The following ZYG11B variants were observed in gnomAD, a reference collection of about 807,000 sequenced individuals.
ZYG11B encodes the protein protein zyg-11 homolog B.
A neutral mutation model predicts 82.4 loss-of-function variants in ZYG11B; 36 were observed. The ratio of observed to expected loss-of-function variants is 0.44; its 90% CI spans 0.33 to 0.58. The LOEUF (loss-of-function observed/expected upper bound fraction) is 0.58. Ranked by LOEUF, ZYG11B falls within the 20% of genes least tolerant of loss-of-function variation. ZYG11B has a pLI of 0.02. For missense variants in ZYG11B, 552 were observed against 895.6 expected (o/e 0.62, Z 4.90); for synonymous variants, 303 against 312.8 (o/e 0.97, Z 0.33).
Position 52,772,139 on chromosome 1 carries a change from TTTTTG to T in ZYG11B, c.951+370_951+374del, listed in dbSNP as rs1644758183. The T allele has an allele frequency of 2.5e-6, 3 of 1,187,522 alleles. No homozygotes were observed. The South Asian group carries it at 3.7e-5, about 15-fold the overall frequency. The allele number at this position is 1,187,522 out of a possible 1,614,324, so 73.6% of individuals were successfully genotyped here. On this transcript the variant is annotated intron_variant, in intron 3 of 13. Transcript: ENST00000294353. ...TACATATATGGTTTTTTTGTTTTTG[TTTTTG>T]TTTTATTTTAGTTAAACAATCATTT...
At chr1:52,783,969 TATAC>T (rs1644889343) in intron 4 of ZYG11B, among the ~76,000 whole-genome samples, 8 of 102,656 alleles carry the variant, frequency 7.8e-5, no homozygotes, top group Admixed American at 3.9e-4. Flanking sequence ...CATACACACA[TATAC>T]ACACACACAC....
intron 3 of ZYG11B, among the ~76,000 whole-genome samples, chr1:52,774,805 C>G (rs1334896573): frequency 6.6e-6 from 1 of 151,950 alleles, no homozygotes; most frequent in Non-Finnish European, 1.5e-5. Context: ...TATTTCCCTA[C>G]TCAGTTTTCT....
chr1:52,746,947 A>G (rs1200867262), intron 1 of ZYG11B, among the ~76,000 whole-genome samples: 2 of 144,792 alleles, frequency 1.4e-5, no homozygotes, highest in East Asian at 2.0e-4. Context: ...GAGAGGCCTT[A>G]TGGGTAAGAC....
At chr1:52,757,515 A>G (rs1484545151) in intron 2 of ZYG11B, among the ~76,000 whole-genome samples, 3 of 151,936 alleles carry the variant, frequency 2.0e-5, no homozygotes, top group Non-Finnish European at 4.4e-5. Context: ...ATCTTTACTA[A>G]AATACAAAAA....
chr1:52,802,403 A>G (rs925798290), intron 10 of ZYG11B, among the ~76,000 whole-genome samples: 3 of 128,468 alleles, frequency 2.3e-5, no homozygotes, highest in Non-Finnish European at 3.1e-5. Flanking sequence ...GCTGGAGTGC[A>G]GTGGTGTGAT....
At chr1:52,735,207 T>C (rs529499239) in intron 1 of ZYG11B, among the ~76,000 whole-genome samples, 8 of 151,716 alleles carry the variant, frequency 5.3e-5, no homozygotes, top group Non-Finnish European at 7.4e-5. Context: ...ATTTTGTATT[T>C]TTAGTAGAGA....
At chr1:52,776,248 A>ATATATATAT (rs1425431576) in intron 3 of ZYG11B, among the ~76,000 whole-genome samples, 7 of 94,784 alleles carry the variant, frequency 7.4e-5, no homozygotes, top group Non-Finnish European at 1.4e-4. Flanking sequence ...ATATATATGC[A>ATATATATAT]ATAAAGTTGG....
intron 6 of ZYG11B, among the ~76,000 whole-genome samples, chr1:52,795,467 T>C (rs1644999597): frequency 6.6e-6 from 1 of 152,198 alleles, no homozygotes; most frequent in African/African-American, 2.4e-5. Context: ...ATCTGGTGCC[T>C]CTGTTACCTC....
intron 10 of ZYG11B, among the ~76,000 whole-genome samples, chr1:52,811,985 C>G (rs1049239920): frequency 6.6e-6 from 1 of 151,786 alleles, no homozygotes; most frequent in Non-Finnish European, 1.5e-5. Context: ...GAGCTGAGAT[C>G]GCGCCACTGC....
chr1:52,742,888 C>A (rs1266154736), intron 1 of ZYG11B, among the ~76,000 whole-genome samples: 1 of 150,134 alleles, frequency 6.7e-6, no homozygotes, highest in Admixed American at 6.6e-5. Flanking sequence ...AGTAAAAGTT[C>A]TGGGGGGCAG....
At chr1:52,816,761 G>A (rs1645227432) in intron 13 of ZYG11B, 132 bp downstream of exon 13, 1 of 576,544 alleles carries the variant, frequency 1.7e-6, no homozygotes, top group African/African-American at 2.0e-5. Flanking sequence ...GCCATCTTAG[G>A]TTATAAACTT....
rs967556969 is a variant in ZYG11B, at chr1:52,824,514, C to G, written c.*2885C>G. On this transcript the variant is annotated 3_prime_UTR_variant, in exon 14 of 14. Coordinates refer to ENST00000294353, the MANE Select transcript of ZYG11B (RefSeq NM_024646.3). Reference sequence around the variant, plus strand: ...ATTAGCTGGGTGTGGTGGCGGGCACCTGTAATCCCAGCTACTCAGGAGGCT... The same window carrying G: ...ATTAGCTGGGTGTGGTGGCGGGCACGTGTAATCCCAGCTACTCAGGAGGCT... The G allele has an allele frequency of 5.9e-5, 9 of 151,986 alleles. No individual in the cohort carries two copies. The allele number at this position is 151,986 out of a possible 1,614,324, so 9.4% of individuals were successfully genotyped here. A position where few individuals can be genotyped will look rare whatever the true frequency, so the allele number is the denominator to read the frequency against.
At chr1:52,796,454 C>A (rs956172290) in intron 7 of ZYG11B, 63 bp downstream of exon 7, 1 of 1,350,072 alleles carries the variant, frequency 7.4e-7, no homozygotes, top group Non-Finnish European at 1.0e-6. Context: ...TTTACTGTTT[C>A]CCCCCAAAAG....
At chr1:52,746,790 G>T (rs1644481527) in intron 1 of ZYG11B, among the ~76,000 whole-genome samples, 1 of 129,812 alleles carries the variant, frequency 7.7e-6, no homozygotes, top group South Asian at 2.5e-4. Context: ...CACTCTGCTT[G>T]CTGTACTTGA....
intron 1 of ZYG11B, among the ~76,000 whole-genome samples, chr1:52,740,569 T>C (rs963679276): frequency 1.1e-4 from 16 of 149,024 alleles, no homozygotes; most frequent in Non-Finnish European, 2.4e-4. Flanking sequence ...TACCTTCTTT[T>C]TTTTTTTTTT....
chr1:52,806,440 A>G (rs1239570825), intron 10 of ZYG11B, among the ~76,000 whole-genome samples: 2 of 152,192 alleles, frequency 1.3e-5, no homozygotes, highest in Non-Finnish European at 2.9e-5. Context: ...CTGTAATTGT[A>G]GATGTATGTT....
At chr1:52,729,792 G>A (rs900955697) in intron 1 of ZYG11B, among the ~76,000 whole-genome samples, 1 of 152,014 alleles carries the variant, frequency 6.6e-6, no homozygotes, top group African/African-American at 2.4e-5. Flanking sequence ...GTGAACTGAG[G>A]GCAGGGCCTG....
At chr1:52,744,724 C>A (rs1312723454) in intron 1 of ZYG11B, among the ~76,000 whole-genome samples, 1 of 152,154 alleles carries the variant, frequency 6.6e-6, no homozygotes, top group Non-Finnish European at 1.5e-5. Context: ...CGCCTGTAGT[C>A]CCAGCTACTC....
chr1:52,767,890 G>A (rs1002834934), intron 2 of ZYG11B, among the ~76,000 whole-genome samples: 2 of 152,142 alleles, frequency 1.3e-5, no homozygotes, highest in African/African-American at 4.8e-5. Flanking sequence ...CTTCATCGCT[G>A]CTTGATGAGT....
Sources: gnomAD v4.1 joint callset for allele counts (sites outside exome capture counted in the v4.1 genomes callset) on GRCh38, gnomAD v4.1.1 for gene constraint, MANE v1.5 for transcripts, NCBI Gene and HGNC (gene_info 2026-07-23, HGNC 2026-07-21) for gene names.